Variants in COL5A3 observed in about 807,000 individuals in gnomAD.
The protein encoded by COL5A3 is collagen type V alpha 3 chain.
A neutral mutation model predicts 250.0 loss-of-function variants in COL5A3; 172 were observed. The ratio of observed to expected loss-of-function variants is 0.69; its 90% CI spans 0.61 to 0.78. The LOEUF is 0.78. Among genes scored for constraint, COL5A3 ranks in the 30% least tolerant of loss-of-function variants. The pLI, the probability that COL5A3 is intolerant of heterozygous loss-of-function variation, is 0.00. For missense variants in COL5A3, 2,340 were observed against 2,334.4 expected (o/e 1.00, Z -0.05); for synonymous variants, 937 against 900.4 (o/e 1.04, Z -0.73).
In COL5A3 at chr19:9,967,795, G is replaced by A. The variant is rs188741041; in HGVS notation, c.4404+109C>T. The A allele has an allele frequency of 1.7e-5, 19 of 1,138,792 alleles. No homozygotes were observed. The East Asian group carries it at 3.3e-4, about 20-fold the overall frequency. The allele number at this position is 1,138,792 out of a possible 1,614,324, so 70.5% of individuals were successfully genotyped here. A position where few individuals can be genotyped will look rare whatever the true frequency, so the allele number is the denominator to read the frequency against. ...TTGAATAAATATTTGTCGAACGCAC[G>A]ATTGCATGAATAAATAAATAAATGA... On this transcript the variant is annotated intron_variant, in intron 61 of 66. Transcript: ENST00000264828.
At chr19:9,963,564 G>C (rs554922285) in intron 64 of COL5A3, among the ~76,000 whole-genome samples, 17 of 126,516 alleles carry the variant, frequency 1.3e-4, no homozygotes, top group South Asian at 6.5e-4. Flanking sequence ...TTTTTTTTGG[G>C]GGGGGGGGCG....
chr19:9,988,833 C>CAAAAAAAAAAAAAAAATAAAAAAA (rs2087140139), intron 27 of COL5A3, among the ~76,000 whole-genome samples: 1 of 39,428 alleles, frequency 2.5e-5, no homozygotes, highest in Non-Finnish European at 4.3e-5. Context: ...GACTCTGTCT[C>CAAAAAAAAAAAAAAAATAAAAAAA]AAAAAAAAAA....
Position 9,986,400 on chromosome 19 carries a change from G to A in COL5A3, c.2267C>T (p.Pro756Leu), listed in dbSNP as rs200441833. ...CCCCTCAGGACCATCCTCTCCCCGG[G>A]GACCTGGAGCTCCGGGTTTCCCCTG... The part of the protein sequence containing the change: ...GDQGKPGAPG[P>L]RGEDGPEGPK... The change falls in exon 30 of 67, where the codon CCC becomes CTC. Residue 756 changes from proline to leucine, a missense_variant. This residue lies in a region of COL5A3 where 1,152 missense variants were observed against 1,146.3 expected (regional missense o/e 1.00). Coordinates refer to ENST00000264828, the MANE Select transcript of COL5A3 (RefSeq NM_015719.4). 6.1e-5 allele frequency: 98 copies of A among 1,612,002 alleles called. No individual in the cohort carries two copies. The African/African-American group carries it at 1.2e-3, about 20-fold the overall frequency.
intron 11 of COL5A3, 65 bp from the exon 12 acceptor site, chr19:9,996,754 G>T: frequency 1.6e-6 from 2 of 1,281,148 alleles, no homozygotes; most frequent in South Asian, 1.4e-5. Flanking sequence ...GCGAGGACAG[G>T]GGAGGCACAG....
At chr19:9,999,374 T>A (rs569585858) in intron 8 of COL5A3, among the ~76,000 whole-genome samples, 2,989 of 151,730 alleles carry the variant, frequency 0.02, 113 homozygotes, top group African/African-American at 0.068. Flanking sequence ...TTATTTTATT[T>A]TTTTGTAGAG....
At chr19:10,000,603 G>A (rs769427096) in intron 8 of COL5A3, among the ~76,000 whole-genome samples, 2 of 151,400 alleles carry the variant, frequency 1.3e-5, no homozygotes, top group Non-Finnish European at 2.9e-5. Flanking sequence ...CGGCCCAGGG[G>A]GAGCTTTTAA....
At chr19:9,988,852 A>AG (rs1555738978) in intron 27 of COL5A3, among the ~76,000 whole-genome samples, 6 of 101,800 alleles carry the variant, frequency 5.9e-5, no homozygotes, top group Non-Finnish European at 1.1e-4. Context: ...AAAAAAAAAA[A>AG]AAAAAAGAAA....
At chr19:9,989,003 C>G in intron 27 of COL5A3, 121 bp downstream of exon 27, 2 of 1,007,758 alleles carry the variant, frequency 2.0e-6, no homozygotes, top group Non-Finnish European at 3.1e-6. Context: ...CCCAGTCCCA[C>G]TACATTTGGC....
chr19:9,996,752 A>C, intron 11 of COL5A3, 63 bp from the exon 12 acceptor site: 1 of 1,313,310 alleles, frequency 7.6e-7, no homozygotes, highest in Non-Finnish European at 1.0e-6. Flanking sequence ...GAGCGAGGAC[A>C]GGGGAGGCAC....
rs1568407098 is a variant in COL5A3, at chr19:9,970,118, GGAGGCTGT to G, written c.3937-204_3937-197del. On this transcript the variant is annotated intron_variant, in intron 54 of 66. Coordinates refer to ENST00000264828, the MANE Select transcript of COL5A3 (RefSeq NM_015719.4). ...GGCTGAGTGGAGGCTGTGGGTGAGT[GGAGGCTGT>G]GGGTGAGTGGAGGCTGTGGGTGAGT... Among the ~76,000 whole-genome samples, 22 of 54,390 alleles carry G rather than the reference GGAGGCTGT, an allele frequency of 4.0e-4. 2 individuals carry two copies. The highest frequency in any genetic ancestry group is 1.2e-3 in the African/African-American group (10 of 8,448). 35.7% of individuals were successfully genotyped at this position (54,390 alleles called of 152,430 possible).
Position 9,971,257 on chromosome 19 carries a change from C to T in COL5A3, c.3776G>A (p.Gly1259Asp), listed in dbSNP as rs2086842021. ...TAGATCTCCGGGCAGCCCCGTGGGG[C>T]CCTGGAACACAGAATGATTAATAAT... is the stretch of plus-strand genomic sequence containing the variant. ...PGEDGAKGSVGPTGLPGDLGP... is the reference protein window; with the variant it reads ...PGEDGAKGSVDPTGLPGDLGP... The change falls in exon 52 of 67, where the codon GGC becomes GAC. Residue 1259 changes from glycine to aspartate, a missense_variant and splice_region_variant. Physicochemically the swap from Gly to Asp is moderately conservative, Grantham distance 94 (BLOSUM62 -1). Around this residue, in one of 3 missense-constraint regions of COL5A3, gnomAD observed 1,179 missense variants for 1,162.6 expected, o/e 1.01. Coordinates refer to ENST00000264828, the MANE Select transcript of COL5A3 (RefSeq NM_015719.4). The T allele has an allele frequency of 3.2e-6, 5 of 1,564,272 alleles. No individual in the cohort carries two copies. Among genetic ancestry groups the T allele is most frequent in the Admixed American group, 2.1e-5 (1 of 47,356 alleles).
chr19:9,967,962 G>C, intron 60 of COL5A3, 23 bp from the exon 61 acceptor site: 2 of 1,610,662 alleles, frequency 1.2e-6, no homozygotes, highest in Non-Finnish European at 1.7e-6. Flanking sequence ...GACAGGGAGA[G>C]CTGAGGTCCT....
In COL5A3 at chr19:9,986,709, C is replaced by T. The variant is rs751213215; in HGVS notation, c.2190+5G>A. On this transcript the variant is annotated splice_donor_5th_base_variant and intron_variant, in intron 28 of 66. Coordinates refer to ENST00000264828, the MANE Select transcript of COL5A3 (RefSeq NM_015719.4). ...TCTCCTCTGATGAGTTCCTTCTCTC[C>T]TCACCTTCTCGCCTTTCTCCCCCTG... The T allele has an allele frequency of 1.9e-6, 3 of 1,613,936 alleles. No individual in the cohort carries two copies. The South Asian group carries it at 3.3e-5, about 18-fold the overall frequency.
Position 9,967,938 on chromosome 19 carries a change from C to T in COL5A3, c.4370G>A (p.Gly1457Asp). 3 of 1,612,966 alleles carry T rather than the reference C, an allele frequency of 1.9e-6. No individual in the cohort carries two copies. The highest frequency in any genetic ancestry group is 2.5e-6 in the Non-Finnish European group (3 of 1,179,580). ...LGHPGPPGVA[G>D]PLGQKGSKGS... ...TTTTGAGCCTTTCTGTCCTAGAGGG[C>T]CCTGTAGGGTACAGACAGGGAGAGC... Residue 1457 changes from glycine (G) to aspartate (D), a missense_variant and splice_region_variant, in exon 61 of 67, where the codon GGC (glycine) becomes GAC (aspartate). By Grantham distance (94) the Gly-to-Asp change is moderately conservative (BLOSUM62 -1). Coordinates refer to ENST00000264828, the MANE Select transcript of COL5A3 (RefSeq NM_015719.4).
rs1334718608 is a variant in COL5A3 at position 9,968,682 on chromosome 19, C to T, written c.4199G>A (p.Gly1400Glu). Residue 1400 changes from glycine (G) to glutamate (E), a missense_variant, in exon 58 of 67, where the codon GGG (glycine) becomes GAG (glutamate). Transcript: ENST00000264828. The surrounding 1 kb of genome is among the most constrained non-coding windows in gnomAD (Gnocchi z 4.1). ...PGLKGDTGPK[G>E]EKGHIGLIGL... ...ATGGAATGATGTCCTTACCTTTTCC[C>T]CCTTGGGGCCAGTGTCTCCCTTCAG... 1 of 1,606,506 alleles carries T rather than the reference C, an allele frequency of 6.2e-7. No individual in the cohort carries two copies. Among genetic ancestry groups the T allele is most frequent in the Admixed American group, 1.7e-5 (1 of 57,968 alleles).
chr19:9,993,843 C>T (rs769238452), intron 16 of COL5A3, 37 bp from the exon 17 acceptor site: 1 of 1,582,818 alleles, frequency 6.3e-7, no homozygotes, highest in Admixed American at 1.8e-5. Context: ...AAGGATGAGC[C>T]TTCCCTGTAC....
chr19:9,982,482 T>C (rs1599548803), intron 31 of COL5A3, among the ~76,000 whole-genome samples: 1 of 152,188 alleles, frequency 6.6e-6, no homozygotes, highest in African/African-American at 2.4e-5. Flanking sequence ...GTCTGTCACA[T>C]TATGCTATTT....
intron 37 of COL5A3, 27 bp from the exon 38 acceptor site, chr19:9,979,444 C>T (rs1337246865): frequency 3.1e-6 from 5 of 1,612,922 alleles, no homozygotes; most frequent in African/African-American, 1.3e-5. Context: ...AATGTGGGGG[C>T]GGTGTTACAT....
chr19:9,979,037 T>A, intron 39 of COL5A3, 57 bp from the exon 40 acceptor site: 1 of 1,479,640 alleles, frequency 6.8e-7, no homozygotes, highest in Admixed American at 2.4e-5. Flanking sequence ...CTCCCTCCAA[T>A]CTGTGACTCA....
Sources: allele counts gnomAD v4.1 joint callset (sites outside exome capture counted in the v4.1 genomes callset), GRCh38; gene constraint gnomAD v4.1.1; regional missense constraint gnomAD v4.1.1; non-coding constraint Gnocchi (gnomAD v3.1); transcripts MANE v1.5; gene names NCBI Gene and HGNC (gene_info 2026-07-23, HGNC 2026-07-21).